Variants in EDEM3 observed in about 807,000 individuals in gnomAD.
The protein encoded by EDEM3 is ER degradation enhancing alpha-mannosidase like protein 3.
EDEM3 carries 60 observed loss-of-function variants against 110.2 expected under a neutral mutation model. The ratio of observed to expected loss-of-function variants is 0.54; its 90% CI spans 0.44 to 0.67. The LOEUF is 0.67. Among genes scored for constraint, EDEM3 ranks in the 30% least tolerant of loss-of-function variants. The pLI, the probability that EDEM3 is intolerant of heterozygous loss-of-function variation, is 0.00. For missense variants in EDEM3, 996 were observed against 1,121.0 expected (o/e 0.89, Z 1.59); for synonymous variants, 352 against 382.9 (o/e 0.92, Z 0.94).
chr1:184,750,670 G>A (rs1652712517), intron 1 of EDEM3, among the ~76,000 whole-genome samples: 1 of 151,870 alleles, frequency 6.6e-6, no homozygotes, highest in South Asian at 2.1e-4. Flanking sequence ...CTGCCACCAT[G>A]CCTGGCTAAT....
intron 6 of EDEM3, among the ~76,000 whole-genome samples, chr1:184,728,800 G>T (rs1651337692): frequency 6.6e-6 from 1 of 152,032 alleles, no homozygotes; most frequent in Admixed American, 6.6e-5. Context: ...AGTAGAGATG[G>T]GGTTTCACCA....
At chr1:184,704,915 T>C (rs1006728419) in intron 18 of EDEM3, among the ~76,000 whole-genome samples, 1 of 148,814 alleles carries the variant, frequency 6.7e-6, no homozygotes, top group Admixed American at 6.7e-5. Context: ...AAAATATATA[T>C]AAAAATTAGC....
intron 2 of EDEM3, among the ~76,000 whole-genome samples, chr1:184,741,001 A>G (rs761027753): frequency 2.6e-5 from 4 of 152,226 alleles, no homozygotes; most frequent in Non-Finnish European, 5.9e-5. Flanking sequence ...CCAATTCACC[A>G]AGTATAGAAA....
Position 184,692,252 on chromosome 1 carries a change from T to C in EDEM3, c.*1811A>G, listed in dbSNP as rs1325580681. Reference sequence around the variant, plus strand: ...ATCCTTCCATATACTGTATATATTATAGTTCTATCTTGTTACACCAAATCT... The same window carrying C: ...ATCCTTCCATATACTGTATATATTACAGTTCTATCTTGTTACACCAAATCT... On this transcript the variant is annotated 3_prime_UTR_variant, in exon 20 of 20. Coordinates refer to ENST00000318130, the MANE Select transcript of EDEM3 (RefSeq NM_025191.4). The C allele has an allele frequency of 6.6e-6, 1 of 152,144 alleles. No homozygotes were observed. The highest frequency in any genetic ancestry group is 2.4e-5 in the African/African-American group (1 of 41,448). 9.4% of individuals were successfully genotyped at this position (152,144 alleles called of 1,614,324 possible).
intron 19 of EDEM3, among the ~76,000 whole-genome samples, chr1:184,696,481 G>A (rs992117072): frequency 1.3e-5 from 2 of 151,744 alleles, no homozygotes; most frequent in East Asian, 1.9e-4. Flanking sequence ...TTATGATGGG[G>A]AGGAAAGGAT....
intron 17 of EDEM3, 44 bp from the exon 18 acceptor site, chr1:184,706,852 T>C: frequency 1.3e-6 from 2 of 1,591,332 alleles, no homozygotes; most frequent in South Asian, 2.3e-5. Context: ...TCTTCTCAAA[T>C]GGCAATCAAG....
intron 9 of EDEM3, chr1:184,720,509 C>CTTTTTTTTTTTTTTTTT (rs34268021): frequency 3.0e-4 from 38 of 127,440 alleles, no homozygotes; most frequent in Non-Finnish European, 3.6e-4. Flanking sequence ...ATCTCCCATA[C>CTTTTTTTTTTTTTTTTT]TTTTTTTTTT....
chr1:184,734,165 CT>C (rs1309990039), intron 5 of EDEM3, among the ~76,000 whole-genome samples: 4 of 152,066 alleles, frequency 2.6e-5, no homozygotes, highest in Non-Finnish European at 4.4e-5. Flanking sequence ...ATATCCTAAA[CT>C]TTTCTGATAT....
chr1:184,697,101 CA>C (rs1431740837), intron 19 of EDEM3, among the ~76,000 whole-genome samples: 1 of 151,616 alleles, frequency 6.6e-6, no homozygotes, highest in East Asian at 1.9e-4. Flanking sequence ...TTTGTAGTAA[CA>C]ATAAATAGTT....
At chr1:184,736,897 A>T in intron 4 of EDEM3, 128 bp downstream of exon 4, 1 of 726,286 alleles carries the variant, frequency 1.4e-6, no homozygotes. Flanking sequence ...AGATTTATTT[A>T]GAAGCAAAGA....
intron 9 of EDEM3, 143 bp downstream of exon 9, chr1:184,721,146 T>C: frequency 1.5e-6 from 1 of 659,206 alleles, no homozygotes; most frequent in Non-Finnish European, 2.6e-6. Context: ...GCTGTCCCTG[T>C]TCAACATCAT....
In EDEM3 at chr1:184,708,143, G is replaced by C. The variant is rs567370297; in HGVS notation, c.2037+10C>G. ...TTCAGTTTCAACAACTATATTTTAA[G>C]TATACATACCTCTTTATGTTTAGAC... On this transcript the variant is annotated intron_variant, in intron 17 of 19. Coordinates refer to ENST00000318130, the MANE Select transcript of EDEM3 (RefSeq NM_025191.4). The C allele has an allele frequency of 6.3e-7, 1 of 1,589,030 alleles. No individual in the cohort carries two copies. The highest frequency in any genetic ancestry group is 1.2e-5 in the South Asian group (1 of 86,522).
chr1:184,710,379 G>A lies in EDEM3; in HGVS notation c.1845+15C>T. 2 of 1,612,562 alleles carry A rather than the reference G, an allele frequency of 1.2e-6. No homozygotes were observed. Among genetic ancestry groups the A allele is most frequent in the Non-Finnish European group, 1.7e-6 (2 of 1,179,136 alleles). ...AGGGCAGAGACGGTATCTAATTAGTGTAGCAATGTCTTACTTGGATTGCAT... is the reference window on the plus strand; with the variant it reads ...AGGGCAGAGACGGTATCTAATTAGTATAGCAATGTCTTACTTGGATTGCAT... On this transcript the variant is annotated intron_variant, in intron 16 of 19. Coordinates refer to ENST00000318130, the MANE Select transcript of EDEM3 (RefSeq NM_025191.4).
At chr1:184,705,349 G>A (rs1157527501) in intron 18 of EDEM3, among the ~76,000 whole-genome samples, 1 of 152,048 alleles carries the variant, frequency 6.6e-6, no homozygotes, top group South Asian at 2.1e-4. Context: ...GTCAGGGGTC[G>A]GCAAATCTCT....
At chr1:184,708,991 A>G (rs1650083776) in intron 16 of EDEM3, among the ~76,000 whole-genome samples, 1 of 152,182 alleles carries the variant, frequency 6.6e-6, no homozygotes, top group Non-Finnish European at 1.5e-5. Context: ...TATAATAGAA[A>G]AAAATAAGAT....
At chr1:184,712,958 A>T (rs1440722510) in intron 13 of EDEM3, among the ~76,000 whole-genome samples, 3 of 152,212 alleles carry the variant, frequency 2.0e-5, no homozygotes, top group Non-Finnish European at 4.4e-5. Context: ...AGAATCTTCC[A>T]TTAAATTAGA....
intron 6 of EDEM3, 71 bp from the exon 7 acceptor site, chr1:184,726,460 A>C: frequency 6.7e-7 from 1 of 1,483,670 alleles, no homozygotes; most frequent in Non-Finnish European, 9.2e-7. Context: ...ACTACTTTTC[A>C]ATCAAGTCTT....
intron 19 of EDEM3, among the ~76,000 whole-genome samples, chr1:184,702,379 T>C (rs1007231319): frequency 1.3e-5 from 2 of 152,206 alleles, no homozygotes; most frequent in African/African-American, 4.8e-5. Context: ...AGTCATTTGA[T>C]TATAGGTGGC....
In EDEM3 at chr1:184,719,518, A is replaced by G; in HGVS notation, c.1002T>C (p.Asp334=). 1 of 1,614,074 alleles carries G rather than the reference A, an allele frequency of 6.2e-7. No homozygotes were observed. Among genetic ancestry groups the G allele is most frequent in the Non-Finnish European group, 8.5e-7 (1 of 1,179,980 alleles). Residue 334 remains aspartate (D), a synonymous_variant, in exon 10 of 20, where the codon GAT becomes GAC. Coordinates refer to ENST00000318130, the MANE Select transcript of EDEM3 (RefSeq NM_025191.4). ...RYISQPPLLL[D]VHIHKPMLNA... ...TCAGCATTGGTTTGTGGATATGCAC[A>G]TCAAGTAGAAGAGGTGGCTGGCTAA...
Sources: gnomAD v4.1 joint callset for allele counts (sites outside exome capture counted in the v4.1 genomes callset) on GRCh38, gnomAD v4.1.1 for gene constraint, MANE v1.5 for transcripts, NCBI Gene and HGNC (gene_info 2026-07-23, HGNC 2026-07-21) for gene names.